Variants in STAB2 observed in about 807,000 individuals in gnomAD.
The protein encoded by STAB2 is stabilin 2, also known as stabilin-2.
Under a neutral mutation model 338.1 loss-of-function variants are expected in STAB2, and 288 were observed. That is an observed-to-expected ratio of 0.85 (90% CI 0.77 to 0.94). The LOEUF is 0.94. Ranked by LOEUF, STAB2 falls within the 40% of genes least tolerant of loss-of-function variation. The pLI is 0.00. For missense variants in STAB2, 3,141 were observed against 3,210.1 expected, an observed-to-expected ratio of 0.98 and a Z score of 0.52; for synonymous variants, 1,202 against 1,193.3, an observed-to-expected ratio of 1.01 and a Z score of -0.15.
At chr12:103,757,606 C>A (rs1447458810) in intron 63 of STAB2, among the ~76,000 whole-genome samples, 1 of 152,172 alleles carries the variant, frequency 6.6e-6, no homozygotes, top group African/African-American at 2.4e-5. Context: ...GACATGTAAG[C>A]AAAGTGTAAA....
chr12:103,590,946 G>GT lies in STAB2; in HGVS notation c.131_132insT (p.Ser45IlefsTer32). 1 of 1,613,994 alleles carries GT rather than the reference G, an allele frequency of 6.2e-7. No individual in the cohort carries two copies. Among genetic ancestry groups the GT allele is most frequent in the East Asian group, 2.2e-5 (1 of 44,868 alleles). On this transcript the variant is annotated frameshift_variant, in exon 2 of 69. Transcript: ENST00000388887. LOFTEE classifies it high-confidence loss of function. ...CTTCTTACAATTAGGACCGAGTGCCGATCCTGCGCTCTCAACCTTGGAGTC... is the reference window on the plus strand; with the variant it reads ...CTTCTTACAATTAGGACCGAGTGCCGTATCCTGCGCTCTCAACCTTGGAGTC...
At chr12:103,625,865 T>C (rs1481226436) in intron 5 of STAB2, among the ~76,000 whole-genome samples, 1 of 152,184 alleles carries the variant, frequency 6.6e-6, no homozygotes, top group African/African-American at 2.4e-5. Context: ...ATCCTCTGGG[T>C]ATATACCCAG....
intron 34 of STAB2, among the ~76,000 whole-genome samples, chr12:103,702,833 A>G (rs1879020937): frequency 6.6e-6 from 1 of 152,238 alleles, no homozygotes; most frequent in Non-Finnish European, 1.5e-5. Flanking sequence ...TCAAACAAAC[A>G]TAAGCCAATT....
At chr12:103,648,130 G>A (rs919752518) in intron 9 of STAB2, among the ~76,000 whole-genome samples, 1 of 152,166 alleles carries the variant, frequency 6.6e-6, no homozygotes, top group Non-Finnish European at 1.5e-5. Flanking sequence ...TGGAGAAGAG[G>A]TATGTGGTTT....
chr12:103,763,631 G>T (rs1884703578), intron 68 of STAB2, 23 bp downstream of exon 68: 1 of 1,599,286 alleles, frequency 6.3e-7, no homozygotes, highest in African/African-American at 1.3e-5. Flanking sequence ...TCTTATCTAG[G>T]AATAGGTTCC....
At chr12:103,611,863 C>T (rs1957128733) in intron 3 of STAB2, among the ~76,000 whole-genome samples, 1 of 152,170 alleles carries the variant, frequency 6.6e-6, no homozygotes, top group Non-Finnish European at 1.5e-5. Flanking sequence ...CCTTCAGGAG[C>T]TCTTGTAAGG....
At chr12:103,753,123 A>C in intron 60 of STAB2, 97 bp from the exon 61 acceptor site, 1 of 1,506,632 alleles carries the variant, frequency 6.6e-7, no homozygotes, top group Admixed American at 1.9e-5. Flanking sequence ...CCTGGGGTAT[A>C]GCTGGCCTTC....
At chr12:103,603,386 T>C (rs1593128289) in intron 3 of STAB2, among the ~76,000 whole-genome samples, 1 of 152,178 alleles carries the variant, frequency 6.6e-6, no homozygotes, top group Non-Finnish European at 1.5e-5. Flanking sequence ...AGTTAATTCT[T>C]GTATATTGTT....
intron 68 of STAB2, 149 bp from the exon 69 acceptor site, chr12:103,766,137 C>A: frequency 1.8e-6 from 2 of 1,085,050 alleles, no homozygotes; most frequent in African/African-American, 1.6e-5. Flanking sequence ...CCTCCCAACA[C>A]AAGGCAGCAG....
intron 15 of STAB2, chr12:103,658,047 C>G (rs1317834189): frequency 6.6e-6 from 1 of 152,208 alleles, no homozygotes; most frequent in African/African-American, 2.4e-5. Flanking sequence ...ACCACAGCTT[C>G]TGATTACAAG....
intron 44 of STAB2, among the ~76,000 whole-genome samples, chr12:103,719,318 ATGAGGTAAGAAC>A (rs1457309759): frequency 6.6e-6 from 1 of 152,218 alleles, no homozygotes; most frequent in Non-Finnish European, 1.5e-5. Context: ...TAACAGCCAT[ATGAGGTAAGAAC>A]TGTTATTAAC....
At chr12:103,717,385 C>T (rs750972766) in intron 43 of STAB2, among the ~76,000 whole-genome samples, 3 of 152,086 alleles carry the variant, frequency 2.0e-5, no homozygotes, top group East Asian at 1.9e-4. Flanking sequence ...TCAGCATGGG[C>T]GCAGATGAGC....
At chr12:103,711,538 CTGGG>C (rs751294170) in intron 40 of STAB2, 22 bp downstream of exon 40, 7 of 1,613,592 alleles carry the variant, frequency 4.3e-6, no homozygotes, top group Non-Finnish European at 5.1e-6. Flanking sequence ...TGGGCCACCT[CTGGG>C]GACAGTGTAA....
chr12:103,654,696 G>A lies in STAB2; in HGVS notation c.1549G>A (p.Glu517Lys), dbSNP rs1159382645. Residue 517 changes from glutamate (E) to lysine (K), a missense_variant and splice_region_variant, in exon 13 of 69, where the codon GAG becomes AAG. Physicochemically the swap from Glu to Lys is moderately conservative, Grantham distance 56. Transcript: ENST00000388887. The stretch of plus-strand genomic sequence containing the variant: ...AGAACCCACATTTGAGAGCAACAAT[G>A]AGGTGAGTATTCAGATAAAAGTCAC... ...KLEPTFESNN[E>K]QTIMTMLQPR... 4.3e-6 allele frequency: 7 copies of A among 1,613,520 alleles called. No homozygotes were observed. Among genetic ancestry groups the A allele is most frequent in the Non-Finnish European group, 5.9e-6 (7 of 1,179,850 alleles).
At chr12:103,619,146 G>A (rs979587867) in intron 3 of STAB2, among the ~76,000 whole-genome samples, 6 of 152,202 alleles carry the variant, frequency 3.9e-5, no homozygotes, top group Non-Finnish European at 7.3e-5. Flanking sequence ...TTAGCAGCAT[G>A]AGAATGGACT....
intron 52 of STAB2, among the ~76,000 whole-genome samples, chr12:103,736,434 T>C (rs1159462912): frequency 2.0e-5 from 3 of 152,228 alleles, no homozygotes; most frequent in Non-Finnish European, 4.4e-5. Flanking sequence ...TGAATTAGAA[T>C]TGCATTGAAT....
chr12:103,737,920 G>T lies in STAB2; in HGVS notation c.5697+140G>T, dbSNP rs1335322082. ...GACCCAGAAGACCTGAGGGCCAAAT[G>T]ATGTAGTTCTTTAGACTCAGAAGCA... On this transcript the variant is annotated intron_variant, in intron 53 of 68. Coordinates refer to ENST00000388887, the MANE Select transcript of STAB2 (RefSeq NM_017564.10). The T allele has an allele frequency of 4.5e-6, 5 of 1,114,572 alleles. No homozygotes were observed. The East Asian group carries it at 7.9e-5, about 18-fold the overall frequency. 69.0% of individuals were successfully genotyped at this position (1,114,572 alleles called of 1,614,324 possible). A position where few individuals can be genotyped will look rare whatever the true frequency, so the allele number is the denominator to read the frequency against.
intron 6 of STAB2, among the ~76,000 whole-genome samples, chr12:103,633,511 T>C (rs1957497218): frequency 6.6e-6 from 1 of 152,116 alleles, no homozygotes; most frequent in Non-Finnish European, 1.5e-5. Flanking sequence ...GGTGAAACCC[T>C]GTCTCTACAA....
Position 103,690,083 on chromosome 12 carries a change from G to A in STAB2, c.3182+101G>A, listed in dbSNP as rs535049335. On this transcript the variant is annotated intron_variant, in intron 29 of 68. Coordinates refer to ENST00000388887, the MANE Select transcript of STAB2 (RefSeq NM_017564.10). The stretch of plus-strand genomic sequence containing the variant: ...GAAAACCACATGGTCCTTCAAATTC[G>A]TGGAGCTGAACATGTTCTAGGATTC... The A allele has an allele frequency of 3.0e-5, 44 of 1,482,612 alleles. No individual in the cohort carries two copies. The South Asian group carries it at 3.3e-4, about 11-fold the overall frequency. 91.8% of individuals were successfully genotyped at this position (1,482,612 alleles called of 1,614,324 possible).
Sources: allele counts gnomAD v4.1 joint callset (sites outside exome capture counted in the v4.1 genomes callset), GRCh38; gene constraint gnomAD v4.1.1; transcripts MANE v1.5; gene names NCBI Gene and HGNC (gene_info 2026-07-23, HGNC 2026-07-21).